Variants in ARMC3 observed in about 807,000 individuals in gnomAD.
ARMC3 encodes the protein armadillo repeat containing 3.
Under a neutral mutation model 90.3 loss-of-function variants are expected in ARMC3, and 74 were observed. That is an observed-to-expected ratio of 0.82 (90% confidence interval 0.68 to 0.99). The LOEUF (loss-of-function observed/expected upper bound fraction) is 0.99, where lower values mean the gene tolerates loss of function less well. Ranked by LOEUF, ARMC3 falls within the 50% of genes least tolerant of loss-of-function variation. The probability of loss-of-function intolerance (pLI) is 0.00; values close to 1 mark genes in which losing one functional copy is unlikely to be tolerated. For synonymous variants in ARMC3, 334 were observed against 361.8 expected (o/e 0.92, Z 0.87); for missense variants, 958 against 1,042.8 (o/e 0.92, Z 1.12).
At position 22,959,667 on chromosome 10, in the gene ARMC3, A is replaced by G. The variant is rs1443580332; in HGVS notation, c.537+93A>G. On this transcript the variant is annotated intron_variant, in intron 6 of 18. Coordinates refer to ENST00000298032, the MANE Select transcript of ARMC3 (RefSeq NM_173081.5). Reference sequence around the variant, plus strand: ...AGAAAAAAGCTTTTAAAAATGCACCAGTTTTGCATCATCAGATCTTCTTGT... The same window carrying G: ...AGAAAAAAGCTTTTAAAAATGCACCGGTTTTGCATCATCAGATCTTCTTGT... The G allele has an allele frequency of 4.8e-6, 6 of 1,254,788 alleles. No homozygotes were observed. In the African/African-American group the frequency reaches 6.1e-5, roughly 13 times the overall value. The allele number at this position is 1,254,788 out of a possible 1,614,324, so 77.7% of individuals were successfully genotyped here.
intron 2 of ARMC3, among the ~76,000 whole-genome samples, chr10:22,942,333 G>A (rs1350322531): frequency 6.6e-6 from 1 of 152,166 alleles, no homozygotes; most frequent in Non-Finnish European, 1.5e-5. Context: ...GGCAGATAGA[G>A]AAAAATTAAT....
rs376045505 is a variant in ARMC3 at position 22,959,442 on chromosome 10, C to T, written c.405C>T (p.Asn135=). 6 of 1,609,590 alleles carry T rather than the reference C, an allele frequency of 3.7e-6. No individual in the cohort carries two copies. Among genetic ancestry groups the T allele is most frequent in the Admixed American group, 1.7e-5 (1 of 58,826 alleles). The change falls in exon 6 of 19, where the codon AAC becomes AAT. Residue 135 remains asparagine, a synonymous_variant. Transcript: ENST00000298032. ...IHEFASLCLA[N]MSAEYTSKVQ... ...AGTTTGCTAGTCTTTGTCTAGCAAACATGTCTGCAGAGTACACCAGTAAAG... is the reference window on the plus strand; with the variant it reads ...AGTTTGCTAGTCTTTGTCTAGCAAATATGTCTGCAGAGTACACCAGTAAAG...
intron 10 of ARMC3, among the ~76,000 whole-genome samples, chr10:22,983,548 T>C (rs188181857): frequency 7.2e-5 from 11 of 152,338 alleles, no homozygotes; most frequent in African/African-American, 2.4e-4. Flanking sequence ...TTCTGTTTTT[T>C]TTAAATTTTG....
intron 3 of ARMC3, among the ~76,000 whole-genome samples, chr10:22,949,506 A>G (rs1834658242): frequency 6.6e-6 from 1 of 152,236 alleles, no homozygotes; most frequent in Non-Finnish European, 1.5e-5. Flanking sequence ...CAGTTTGGAC[A>G]TTGCAGAAGA....
At chr10:22,994,463 C>T (rs895370340) in intron 10 of ARMC3, among the ~76,000 whole-genome samples, 7 of 152,142 alleles carry the variant, frequency 4.6e-5, no homozygotes, top group African/African-American at 1.4e-4. Flanking sequence ...TTTGGGAGGC[C>T]GAGGTGGCAG....
intron 3 of ARMC3, among the ~76,000 whole-genome samples, chr10:22,952,825 A>T (rs1408296836): frequency 6.6e-6 from 1 of 152,262 alleles, no homozygotes; most frequent in African/African-American, 2.4e-5. Flanking sequence ...AAGCAAACAC[A>T]TCATGACTAA....
chr10:23,027,449 A>T (rs187085112), intron 16 of ARMC3, among the ~76,000 whole-genome samples: 10 of 152,312 alleles, frequency 6.6e-5, no homozygotes, highest in Middle Eastern at 3.4e-3. Context: ...CTTGTTACTT[A>T]CTATATGAAA....
At chr10:23,020,970 G>C (rs1455051721) in intron 16 of ARMC3, among the ~76,000 whole-genome samples, 4 of 152,004 alleles carry the variant, frequency 2.6e-5, no homozygotes, top group Non-Finnish European at 5.9e-5. Context: ...TCCCCCACCT[G>C]GTAGCCCCCA....
intron 16 of ARMC3, among the ~76,000 whole-genome samples, chr10:23,018,506 C>T (rs1343748293): frequency 7.1e-6 from 1 of 140,942 alleles, no homozygotes; most frequent in Non-Finnish European, 1.5e-5. Flanking sequence ...TAGACTTGCA[C>T]CTTAGTAATT....
rs773064492 is a variant in ARMC3 at position 23,032,924 on chromosome 10, A to G, written c.2310A>G (p.Glu770=). Residue 770 remains glutamate, a synonymous_variant, in exon 18 of 19, where the codon GAA becomes GAG. Transcript: ENST00000298032. ...PKEKLPDFSW[E]LHISELKFQL... ...AGAAACTACCTGATTTCAGCTGGGA[A>G]CTTCACATAAGTGAACTGAAATTTC... is the stretch of plus-strand genomic sequence containing the variant. The G allele has an allele frequency of 6.2e-7, 1 of 1,613,036 alleles. No homozygotes were observed. Among genetic ancestry groups the G allele is most frequent in the Admixed American group, 1.7e-5 (1 of 59,948 alleles).
intron 16 of ARMC3, among the ~76,000 whole-genome samples, chr10:23,019,814 G>T (rs1346854706): frequency 6.6e-6 from 1 of 152,072 alleles, no homozygotes; most frequent in Non-Finnish European, 1.5e-5. Context: ...CAAAGTGCTG[G>T]GATGACATGC....
chr10:22,989,183 A>T (rs944082321), intron 10 of ARMC3, among the ~76,000 whole-genome samples: 1 of 152,232 alleles, frequency 6.6e-6, no homozygotes, highest in African/African-American at 2.4e-5. Flanking sequence ...ATCTAAGATA[A>T]TATTTCCAAA....
chr10:22,932,128 A>G (rs1460284886), intron 2 of ARMC3, 84 bp downstream of exon 2: 6 of 1,117,842 alleles, frequency 5.4e-6, no homozygotes, highest in Non-Finnish European at 7.6e-6. Context: ...ATGTACCAGT[A>G]TATACATGAA....
intron 18 of ARMC3, among the ~76,000 whole-genome samples, chr10:23,036,951 T>C (rs1304490233): frequency 6.6e-6 from 1 of 152,144 alleles, no homozygotes; most frequent in African/African-American, 2.4e-5. Flanking sequence ...GAAAGATGGA[T>C]AGATGCACTA....
chr10:23,004,471 A>G (rs534542877), intron 13 of ARMC3, among the ~76,000 whole-genome samples: 23 of 152,186 alleles, frequency 1.5e-4, no homozygotes, highest in African/African-American at 5.5e-4. Context: ...AAGAGGGCTA[A>G]AGATGGCAGA....
At chr10:22,963,349 C>T (rs986668750) in intron 7 of ARMC3, among the ~76,000 whole-genome samples, 4 of 151,908 alleles carry the variant, frequency 2.6e-5, no homozygotes, top group Non-Finnish European at 4.4e-5. Flanking sequence ...AACTTGCCTA[C>T]GGTTAGAGCT....
intron 6 of ARMC3, 22 bp downstream of exon 6, chr10:22,959,596 C>A: frequency 3.2e-6 from 5 of 1,559,880 alleles, no homozygotes; most frequent in Non-Finnish European, 4.3e-6. Context: ...TTCTAAAAAG[C>A]GTTCTGATGA....
At chr10:22,965,630 C>T (rs1021214360) in intron 7 of ARMC3, among the ~76,000 whole-genome samples, 3 of 152,026 alleles carry the variant, frequency 2.0e-5, no homozygotes, top group Admixed American at 6.6e-5. Flanking sequence ...TTTTTCCATT[C>T]CTTCTCTCCC....
At chr10:22,961,797 T>C (rs1835205755) in intron 6 of ARMC3, 87 bp from the exon 7 acceptor site, 2 of 1,140,144 alleles carry the variant, frequency 1.8e-6, no homozygotes, top group Non-Finnish European at 2.5e-6. Context: ...TTATAACTTA[T>C]GTTCTTGTGT....
Sources: allele counts gnomAD v4.1 joint callset (sites outside exome capture counted in the v4.1 genomes callset), GRCh38; gene constraint gnomAD v4.1.1; transcripts MANE v1.5; gene names NCBI Gene and HGNC (gene_info 2026-07-23, HGNC 2026-07-21).